Variants in MMRN1 observed in about 807,000 individuals in gnomAD.
MMRN1 encodes multimerin-1.
A neutral mutation model predicts 100.7 loss-of-function variants in MMRN1; 94 were observed. The observed-to-expected ratio is 0.93, with a 90% CI of 0.79 to 1.11. The LOEUF (loss-of-function observed/expected upper bound fraction) is 1.11. Ranked by LOEUF, MMRN1 falls within the 50% of genes least tolerant of loss-of-function variation. MMRN1 has a pLI of 0.00. For synonymous variants in MMRN1, 575 were observed against 505.0 expected (o/e 1.14, Z -1.86); for missense variants, 1,606 against 1,439.1 (o/e 1.12, Z -1.88).
At chr4:89,909,770 C>A (rs750127015) in intron 2 of MMRN1, among the ~76,000 whole-genome samples, 22 of 151,376 alleles carry the variant, frequency 1.5e-4, no homozygotes, top group South Asian at 2.1e-4. Flanking sequence ...ATTATTTTCT[C>A]TTCATGCTAG....
rs200754408 is a variant in MMRN1, at chr4:89,916,679, G to GT, written c.850+4637dup. On this transcript the variant is annotated intron_variant, in intron 3 of 7. Transcript: ENST00000264790. ...TATTTTTTATCTTTTTCAATTGCTT[G>GT]TTTTTTTTCTTTCTGACAGCTTTTC... 3.3e-5 allele frequency among the ~76,000 whole-genome samples: 5 copies of GT among 150,780 alleles called. No individual in the cohort carries two copies. The East Asian group carries it at 7.8e-4, about 24-fold the overall frequency.
chr4:89,887,905 A>G (rs556151502), intron 1 of MMRN1, among the ~76,000 whole-genome samples: 2 of 152,054 alleles, frequency 1.3e-5, no homozygotes, highest in African/African-American at 4.8e-5. Flanking sequence ...TTAATTCATT[A>G]TAATTTCACA....
At chr4:89,913,015 G>A (rs939340043) in intron 3 of MMRN1, among the ~76,000 whole-genome samples, 1 of 151,152 alleles carries the variant, frequency 6.6e-6, no homozygotes, top group African/African-American at 2.4e-5. Flanking sequence ...GAATGAATAT[G>A]TACTTCATTT....
rs1721453477 is a variant in MMRN1 at position 89,903,412 on chromosome 4, G to A, written c.624-5864G>A. Among the ~76,000 whole-genome samples the A allele has an allele frequency of 2.7e-5, 4 of 150,710 alleles. No homozygotes were observed. The South Asian group carries it at 8.3e-4, about 31-fold the overall frequency. On this transcript the variant is annotated intron_variant, in intron 1 of 7. Coordinates refer to ENST00000264790, the MANE Select transcript of MMRN1 (RefSeq NM_007351.3). ...TGAATTGAACATAAATGATGATGAT[G>A]GTCTTCTGTATTGGCTTTATGGAAA...
chr4:89,910,588 A>G (rs1029934646), intron 2 of MMRN1, among the ~76,000 whole-genome samples: 1 of 151,472 alleles, frequency 6.6e-6, no homozygotes, highest in African/African-American at 2.4e-5. Flanking sequence ...GACCCCAACA[A>G]TAGTTCAACT....
chr4:89,927,739 C>A, intron 4 of MMRN1, 56 bp from the exon 5 acceptor site: 3 of 1,517,962 alleles, frequency 2.0e-6, no homozygotes, highest in South Asian at 1.2e-5. Flanking sequence ...AGTATGATAC[C>A]AACTATGGGT....
At chr4:89,933,092 C>T (rs997618739) in intron 5 of MMRN1, among the ~76,000 whole-genome samples, 1 of 152,176 alleles carries the variant, frequency 6.6e-6, no homozygotes, top group African/African-American at 2.4e-5. Context: ...CTTGAACTCT[C>T]TGCTGCTTAG....
chr4:89,897,220 T>G (rs1289284704), intron 1 of MMRN1, among the ~76,000 whole-genome samples: 2 of 151,998 alleles, frequency 1.3e-5, no homozygotes. Flanking sequence ...AAGAATTTTT[T>G]TTTTTTTGAG....
chr4:89,887,455 A>G (rs1720963330), intron 1 of MMRN1, among the ~76,000 whole-genome samples: 1 of 152,116 alleles, frequency 6.6e-6, no homozygotes, highest in Non-Finnish European at 1.5e-5. Flanking sequence ...GCAGACCCAT[A>G]GACTGATGGA....
At chr4:89,893,510 C>T (rs936935223), upstream of MMRN1, among the ~76,000 whole-genome samples, 12 of 152,024 alleles carry the variant, frequency 7.9e-5, no homozygotes, top group Non-Finnish European at 1.6e-4. Flanking sequence ...ATTTCCAATT[C>T]TCTAATTTTG....
intron 6 of MMRN1, among the ~76,000 whole-genome samples, chr4:89,938,687 T>A (rs1212346348): frequency 6.6e-6 from 1 of 151,632 alleles, no homozygotes; most frequent in Non-Finnish European, 1.5e-5. Context: ...GACTCAATAT[T>A]GGGCTTAATA....
intron 6 of MMRN1, 107 bp downstream of exon 6, chr4:89,936,905 A>G (rs1722664090): frequency 1.1e-5 from 11 of 1,000,328 alleles, no homozygotes; most frequent in Non-Finnish European, 1.4e-5. Flanking sequence ...TACATACTTG[A>G]ACTTGGATAG....
chr4:89,928,039 C>A (rs2110622437), intron 5 of MMRN1, 71 bp downstream of exon 5: 1 of 1,272,802 alleles, frequency 7.9e-7, no homozygotes, highest in South Asian at 1.6e-5. Flanking sequence ...TCTTTTCTTA[C>A]ATCACTTTGG....
At chr4:89,879,912 G>A (rs1228222881) in intron 1 of MMRN1, among the ~76,000 whole-genome samples, 1 of 152,164 alleles carries the variant, frequency 6.6e-6, no homozygotes, top group Non-Finnish European at 1.5e-5. Context: ...TTGACAGACT[G>A]AATCCACTAC....
intron 6 of MMRN1, among the ~76,000 whole-genome samples, chr4:89,939,428 C>A (rs1050900749): frequency 3.3e-5 from 5 of 151,896 alleles, no homozygotes; most frequent in Non-Finnish European, 5.9e-5. Context: ...ATATGAATAC[C>A]GTAATAATAC....
Position 89,935,826 on chromosome 4 carries a change from C to A in MMRN1, c.2146C>A (p.Arg716Ser). 1 of 1,613,028 alleles carries A rather than the reference C, an allele frequency of 6.2e-7. No homozygotes were observed. Among genetic ancestry groups the A allele is most frequent in the Non-Finnish European group, 8.5e-7 (1 of 1,179,512 alleles). Residue 716 changes from arginine to serine, a missense_variant, in exon 6 of 8, where the codon CGT (arginine) becomes AGT (serine). Coordinates refer to ENST00000264790, the MANE Select transcript of MMRN1 (RefSeq NM_007351.3). Reference sequence around the variant, plus strand: ...GGGTCGTGATGATGCCTTAGAAAGACGTATCAATGAATATGCCTTAGAAAT... The same window carrying A: ...GGGTCGTGATGATGCCTTAGAAAGAAGTATCAATGAATATGCCTTAGAAAT... ...VQGRDDALER[R>S]INEYALEMED...
chr4:89,924,803 C>A (rs767694895), intron 4 of MMRN1, among the ~76,000 whole-genome samples: 2 of 151,974 alleles, frequency 1.3e-5, no homozygotes, highest in Non-Finnish European at 1.5e-5. Flanking sequence ...AAGATCATGC[C>A]GCTGCACTGC....
chr4:89,951,806 C>G, intron 7 of MMRN1, 55 bp downstream of exon 7: 1 of 1,557,244 alleles, frequency 6.4e-7, no homozygotes, highest in Non-Finnish European at 8.7e-7. Context: ...AATAGAAACA[C>G]GTTTTGAAAA....
At chr4:89,923,410 G>C in intron 4 of MMRN1, 138 bp downstream of exon 4, 2 of 791,514 alleles carry the variant, frequency 2.5e-6, no homozygotes, top group South Asian at 3.3e-5. Context: ...TTTTCTACTG[G>C]TGCTGGATGT....
Sources: gnomAD v4.1 joint callset for allele counts (sites outside exome capture counted in the v4.1 genomes callset) on GRCh38, gnomAD v4.1.1 for gene constraint, MANE v1.5 for transcripts, NCBI Gene and HGNC (gene_info 2026-07-23, HGNC 2026-07-21) for gene names.